Variants in LIPF observed in about 807,000 individuals in gnomAD.
LIPF encodes the protein gastric triacylglycerol lipase.
Under a neutral mutation model 38.0 loss-of-function variants are expected in LIPF, and 25 were observed. The ratio of observed to expected loss-of-function variants is 0.66; its 90% CI spans 0.48 to 0.92. The LOEUF (loss-of-function observed/expected upper bound fraction) is 0.92. Among genes scored for constraint, LIPF ranks in the 40% least tolerant of loss-of-function variants. LIPF has a pLI of 0.00. For synonymous variants in LIPF, 161 were observed against 156.2 expected, an observed-to-expected ratio of 1.03 and a Z score of -0.23; for missense variants, 410 against 469.9, an observed-to-expected ratio of 0.87 and a Z score of 1.18.
intron 8 of LIPF, among the ~76,000 whole-genome samples, 159 bp from the exon 9 acceptor site, chr10:88,676,050 C>T (rs1251845008): frequency 1.3e-5 from 2 of 152,070 alleles, no homozygotes; most frequent in African/African-American, 4.8e-5. Flanking sequence ...TTTAAACTTA[C>T]ATAAATACCT....
intron 6 of LIPF, among the ~76,000 whole-genome samples, chr10:88,673,370 T>G (rs1282980990): frequency 6.6e-6 from 1 of 152,238 alleles, no homozygotes; most frequent in Non-Finnish European, 1.5e-5. Context: ...CAGTTCTCAG[T>G]GCCACAATAG....
In LIPF at chr10:88,671,973, A is replaced by C. The variant is rs767393235; in HGVS notation, c.669+8A>C. 1 of 1,602,644 alleles carries C rather than the reference A, an allele frequency of 6.2e-7. No individual in the cohort carries two copies. Among genetic ancestry groups the C allele is most frequent in the Non-Finnish European group, 8.5e-7 (1 of 1,175,236 alleles). ...CCTCAATCCCTCTTCAAGGTATGCA[A>C]TTCTCTTTAATTAAGTGAATCTAAG... On this transcript the variant is annotated splice_region_variant and intron_variant, in intron 6 of 9. Coordinates refer to ENST00000238983, the MANE Select transcript of LIPF (RefSeq NM_004190.4).
chr10:88,665,207 C>T (rs1054565003), intron 1 of LIPF, among the ~76,000 whole-genome samples: 2 of 152,120 alleles, frequency 1.3e-5, no homozygotes, highest in African/African-American at 4.8e-5. Flanking sequence ...ATAATGCTAC[C>T]TACTTCATAG....
Position 88,671,851 on chromosome 10 carries a change from T to A in LIPF, c.555T>A (p.Asn185Lys), listed in dbSNP as rs1364104732. Residue 185 changes from asparagine to lysine, a missense_variant, in exon 6 of 10, where the codon AAT becomes AAA. By Grantham distance (94) the Asn-to-Lys change is moderately conservative. Transcript: ENST00000238983. ...CAGGTTTTATTGCCTTTTCCACCAA[T>A]CCCAGCCTGGCTAAAAGAATCAAAA... ...TTIGFIAFST[N>K]PSLAKRIKTF... 5.6e-6 allele frequency: 9 copies of A among 1,613,114 alleles called. No individual in the cohort carries two copies. Among genetic ancestry groups the A allele is most frequent in the Non-Finnish European group, 6.8e-6 (8 of 1,179,632 alleles).
chr10:88,665,495 T>G, intron 1 of LIPF: 2 of 1,515,530 alleles, frequency 1.3e-6, no homozygotes, highest in Non-Finnish European at 1.8e-6. Context: ...GCAACAAGCA[T>G]TTTGAGAAAT....
intron 7 of LIPF, chr10:88,675,345 A>T: frequency 1.4e-5 from 6 of 418,886 alleles, no homozygotes; most frequent in East Asian, 4.4e-5. Context: ...CCCAATTTTC[A>T]TGTTGATAAA....
chr10:88,671,092 A>C (rs114343913), intron 5 of LIPF, among the ~76,000 whole-genome samples: 14 of 152,260 alleles, frequency 9.2e-5, no homozygotes, highest in African/African-American at 3.4e-4. Flanking sequence ...AAACTTGATA[A>C]CTACTTGATC....
At chr10:88,665,391 G>A (rs1379715289) in intron 1 of LIPF, 2 of 640,882 alleles carry the variant, frequency 3.1e-6, no homozygotes, top group African/African-American at 3.5e-5. Flanking sequence ...GTCTTAGCAA[G>A]ATAGTTCATT....
intron 2 of LIPF, 49 bp downstream of exon 2, chr10:88,667,451 TTA>T (rs1258015093): frequency 3.4e-6 from 4 of 1,190,072 alleles, no homozygotes; most frequent in Non-Finnish European, 4.9e-6. Context: ...ATGCTATTAT[TTA>T]AAATCATAAT....
chr10:88,670,513 T>G (rs1841579225), intron 5 of LIPF, among the ~76,000 whole-genome samples: 1 of 152,174 alleles, frequency 6.6e-6, no homozygotes, highest in Non-Finnish European at 1.5e-5. Flanking sequence ...AAAGTCATGA[T>G]GAAGGTCAGA....
rs1228403640 is a variant in LIPF at position 88,678,722 on chromosome 10, C to T, written c.*41C>T. Reference sequence around the variant, plus strand: ...ATTATCCGTTTGTTTTTCCAAAATACTTTATTCTCTCATACATAGTATTTT... The same window carrying T: ...ATTATCCGTTTGTTTTTCCAAAATATTTTATTCTCTCATACATAGTATTTT... On this transcript the variant is annotated 3_prime_UTR_variant, in exon 10 of 10. Coordinates refer to ENST00000238983, the MANE Select transcript of LIPF (RefSeq NM_004190.4). The T allele has an allele frequency of 3.1e-6, 4 of 1,306,912 alleles. No individual in the cohort carries two copies. Among genetic ancestry groups the T allele is most frequent in the Non-Finnish European group, 4.4e-6 (4 of 906,338 alleles). 81.0% of individuals were successfully genotyped at this position (1,306,912 alleles called of 1,614,324 possible).
chr10:88,673,169 G>C lies in LIPF; in HGVS notation c.670-419G>C, dbSNP rs142243407. ...TACTGAGCCTCATTGCCTCTGTAAA[G>C]GCTTTGCTGAAAATATGGCCAAGTC... On this transcript the variant is annotated intron_variant, in intron 6 of 9. Coordinates refer to ENST00000238983, the MANE Select transcript of LIPF (RefSeq NM_004190.4). Among the ~76,000 whole-genome samples, 1,344 of 152,248 alleles carry C rather than the reference G, an allele frequency of 8.8e-3. 21 individuals carry two copies. Among genetic ancestry groups the C allele is most frequent in the Middle Eastern group, 0.02 (6 of 294 alleles).
At chr10:88,669,016 G>A (rs1001210658) in intron 4 of LIPF, 2 of 378,314 alleles carry the variant, frequency 5.3e-6, no homozygotes, top group Non-Finnish European at 9.6e-6. Flanking sequence ...TATGGCTGAA[G>A]CAAGGAAACT....
chr10:88,677,262 A>G (rs992296266), intron 9 of LIPF, among the ~76,000 whole-genome samples: 4 of 152,096 alleles, frequency 2.6e-5, no homozygotes, highest in African/African-American at 7.2e-5. Context: ...TTCCTCCACC[A>G]TCACTTTCTC....
intron 9 of LIPF, 43 bp from the exon 10 acceptor site, chr10:88,678,402 G>A: frequency 2.2e-6 from 3 of 1,390,632 alleles, no homozygotes; most frequent in Non-Finnish European, 3.1e-6. Context: ...TGGGTTTAAA[G>A]TGTGGTTACC....
intron 7 of LIPF, among the ~76,000 whole-genome samples, chr10:88,674,459 C>G (rs17333893): frequency 0.014 from 2,154 of 152,248 alleles, 33 homozygotes; most frequent in Middle Eastern, 0.071. Context: ...TGAGCCACCA[C>G]GCCCGGCTGA....
Position 88,676,196 on chromosome 10 carries a change from T to A in LIPF, c.889-13T>A. 6.5e-7 allele frequency: 1 copy of A among 1,527,628 alleles called. No homozygotes were observed. The highest frequency in any genetic ancestry group is 1.2e-5 in the South Asian group (1 of 82,040). 94.6% of individuals were successfully genotyped at this position (1,527,628 alleles called of 1,614,324 possible). A position where few individuals can be genotyped will look rare whatever the true frequency, so the allele number is the denominator to read the frequency against. On this transcript the variant is annotated splice_polypyrimidine_tract_variant and intron_variant, in intron 8 of 9. Coordinates refer to ENST00000238983, the MANE Select transcript of LIPF (RefSeq NM_004190.4). ...TAATTTTTATTTGTTTGCTTTTAAT[T>A]TCTCTATGTTAGGCTGTTAAGTCTG...
chr10:88,676,320 A>G, intron 9 of LIPF, 40 bp downstream of exon 9: 1 of 1,159,010 alleles, frequency 8.6e-7, no homozygotes, highest in African/African-American at 1.6e-5. Flanking sequence ...ATTTTGAACA[A>G]CAATACTAAC....
At chr10:88,675,545 G>C (rs1337523497) in intron 7 of LIPF, 41 bp from the exon 8 acceptor site, 6 of 1,373,276 alleles carry the variant, frequency 4.4e-6, no homozygotes, top group Non-Finnish European at 6.2e-6. Context: ...CTGAGTATGT[G>C]TCTTAGTATG....
Sources: allele counts gnomAD v4.1 joint callset (sites outside exome capture counted in the v4.1 genomes callset), GRCh38; gene constraint gnomAD v4.1.1; transcripts MANE v1.5; gene names NCBI Gene and HGNC (gene_info 2026-07-23, HGNC 2026-07-21).